Variants in PCDHGA8 observed in about 807,000 individuals in gnomAD.
PCDHGA8 encodes the protein protocadherin gamma-A8.
PCDHGA8 carries 45 observed loss-of-function variants against 59.2 expected under a neutral mutation model. The ratio of observed to expected loss-of-function variants is 0.76; its 90% CI spans 0.60 to 0.98. The LOEUF (loss-of-function observed/expected upper bound fraction) is 0.98. Ranked by LOEUF, PCDHGA8 falls within the 50% of genes least tolerant of loss-of-function variation. The pLI, the probability that PCDHGA8 is intolerant of heterozygous loss-of-function variation, is 0.00. For missense variants in PCDHGA8, 1,257 were observed against 1,196.2 expected (o/e 1.05, Z -0.75); for synonymous variants, 531 against 519.0 (o/e 1.02, Z -0.32).
intron 1 of PCDHGA8, among the ~76,000 whole-genome samples, chr5:141,453,850 CT>C (rs1465668273): frequency 1.3e-5 from 2 of 152,148 alleles, no homozygotes; most frequent in Non-Finnish European, 2.9e-5. Context: ...CCACAGAGCA[CT>C]TTGAAAATAA....
rs1385144710 is a variant in PCDHGA8 at position 141,399,080 on chromosome 5, G to C, written c.2424+3843G>C. 1 of 1,613,696 alleles carries C rather than the reference G, an allele frequency of 6.2e-7. No homozygotes were observed. On this transcript the variant is annotated intron_variant, in intron 1 of 3. Transcript: ENST00000398604. ...GAATATTCAATGGTTGTAGAAGGGA[G>C]GGATGGTGGTGGACTGGTTGCACAA...
chr5:141,427,875 C>A, intron 1 of PCDHGA8: 1 of 1,560,408 alleles, frequency 6.4e-7, no homozygotes. Flanking sequence ...GCTCACGATG[C>A]AGGCCCACGA....
Position 141,491,498 on chromosome 5 carries a change from C to T in PCDHGA8, c.2425-3309C>T, listed in dbSNP as rs975297143. 2 of 1,614,102 alleles carry T rather than the reference C, an allele frequency of 1.2e-6. No homozygotes were observed. Among genetic ancestry groups the T allele is most frequent in the Non-Finnish European group, 1.7e-6 (2 of 1,180,018 alleles). ...TCCAGCCCCAACCTGCAGGTGAGCT[C>T]GGACGGCACGCTCAAGTACATGGAG... On this transcript the variant is annotated intron_variant, in intron 1 of 3. Transcript: ENST00000398604. The surrounding 1 kb of genome is among the most constrained non-coding windows in gnomAD (Gnocchi z 6.9).
chr5:141,487,237 T>G lies in PCDHGA8; in HGVS notation c.2425-7570T>G, dbSNP rs1327004790. ...CAGCTCCAAGGGAAGGAGAATCTCGTCTAACCCTCTACTTGGCTGTGTCCC... is the reference window on the plus strand; with the variant it reads ...CAGCTCCAAGGGAAGGAGAATCTCGGCTAACCCTCTACTTGGCTGTGTCCC... On this transcript the variant is annotated intron_variant, in intron 1 of 3. Transcript: ENST00000398604. This position sits in a 1 kb window ranked among gnomAD's most constrained non-coding sequence, Gnocchi z 5.0. 1.2e-6 allele frequency: 2 copies of G among 1,614,004 alleles called. No individual in the cohort carries two copies. The highest frequency in any genetic ancestry group is 1.7e-6 in the Non-Finnish European group (2 of 1,179,988).
chr5:141,500,618 C>T (rs554274946), intron 2 of PCDHGA8, among the ~76,000 whole-genome samples: 1 of 152,262 alleles, frequency 6.6e-6, no homozygotes, highest in South Asian at 2.1e-4. Flanking sequence ...CCCAGTCATA[C>T]GGTACATTTC....
rs1409012917 is a variant in PCDHGA8 at position 141,512,928 on chromosome 5, T to A, written c.*1755T>A. On this transcript the variant is annotated 3_prime_UTR_variant, in exon 4 of 4. Transcript: ENST00000398604. ...CAAGTTTTATACTCTAATATTTATA[T>A]GGCTTTTTTTCTTCGACAAAAAAAT... is the stretch of plus-strand genomic sequence containing the variant. 1.3e-5 allele frequency: 2 copies of A among 152,190 alleles called. No individual in the cohort carries two copies. Among genetic ancestry groups the A allele is most frequent in the Non-Finnish European group, 2.9e-5 (2 of 68,044 alleles). The allele number at this position is 152,190 out of a possible 1,614,324, so 9.4% of individuals were successfully genotyped here.
rs1403789987 is a variant in PCDHGA8 at position 141,511,845 on chromosome 5, T to C, written c.*672T>C. The C allele has an allele frequency of 6.4e-6, 1 of 156,740 alleles. No individual in the cohort carries two copies. The highest frequency in any genetic ancestry group is 1.4e-5 in the Non-Finnish European group (1 of 70,694). 9.7% of individuals were successfully genotyped at this position (156,740 alleles called of 1,614,324 possible). A position where few individuals can be genotyped will look rare whatever the true frequency, so the allele number is the denominator to read the frequency against. On this transcript the variant is annotated 3_prime_UTR_variant, in exon 4 of 4. Transcript: ENST00000398604. ...AACGCCCTGGGGACCAGTCTTCTGT[T>C]TTGTTTTTCATTGTTTGACGTTTCC...
At chr5:141,467,846 A>G (rs984687278) in intron 1 of PCDHGA8, among the ~76,000 whole-genome samples, 2 of 151,926 alleles carry the variant, frequency 1.3e-5, no homozygotes, top group Non-Finnish European at 2.9e-5. Context: ...TTTTTGTAGA[A>G]TGAGATTTCA....
chr5:141,479,562 T>G (rs1176956064), intron 1 of PCDHGA8: 2 of 152,218 alleles, frequency 1.3e-5, no homozygotes, highest in Non-Finnish European at 2.9e-5. Flanking sequence ...TATCCAGTAG[T>G]GGGATGACAT....
chr5:141,487,429 C>A lies in PCDHGA8; in HGVS notation c.2425-7378C>A. 1 of 1,614,162 alleles carries A rather than the reference C, an allele frequency of 6.2e-7. No individual in the cohort carries two copies. Among genetic ancestry groups the A allele is most frequent in the Non-Finnish European group, 8.5e-7 (1 of 1,180,018 alleles). On this transcript the variant is annotated intron_variant, in intron 1 of 3. Transcript: ENST00000398604. The surrounding 1 kb of genome is among the most constrained non-coding windows in gnomAD (Gnocchi z 5.0). ...CCCCTTCCAATGGGATCCTCCGAAT[C>A]CAGCTAGGGTCAGATGACCCTATCA...
At chr5:141,443,760 T>C (rs894568340) in intron 1 of PCDHGA8, among the ~76,000 whole-genome samples, 20 of 152,040 alleles carry the variant, frequency 1.3e-4, no homozygotes, top group African/African-American at 4.6e-4. Context: ...AAGCTTACAA[T>C]ATACAATATT....
intron 1 of PCDHGA8, chr5:141,414,163 G>A (rs1455950284): frequency 5.6e-6 from 9 of 1,603,256 alleles, no homozygotes; most frequent in Non-Finnish European, 7.7e-6. Flanking sequence ...AGATGGAGGA[G>A]CATATCTTGC....
Position 141,485,920 on chromosome 5 carries a change from T to C in PCDHGA8, c.2425-8887T>C, listed in dbSNP as rs1374948804. ...CCTTCCAGCAATCCAGCTACAGGAT[T>C]AGTGTGTTGGAGAGCGCACCAGCGG... On this transcript the variant is annotated intron_variant, in intron 1 of 3. Transcript: ENST00000398604. This position sits in a 1 kb window ranked among gnomAD's most constrained non-coding sequence, Gnocchi z 5.7. 1.2e-6 allele frequency: 2 copies of C among 1,614,038 alleles called. No individual in the cohort carries two copies. Among genetic ancestry groups the C allele is most frequent in the Non-Finnish European group, 1.7e-6 (2 of 1,180,010 alleles).
rs375404779 is a variant in PCDHGA8 at position 141,419,760 on chromosome 5, A to T, written c.2424+24523A>T. 11 of 1,613,876 alleles carry T rather than the reference A, an allele frequency of 6.8e-6. No homozygotes were observed. The highest frequency in any genetic ancestry group is 9.3e-6 in the Non-Finnish European group (11 of 1,179,904). On this transcript the variant is annotated intron_variant, in intron 1 of 3. Coordinates refer to ENST00000398604, the MANE Select transcript of PCDHGA8 (RefSeq NM_032088.2). ...GTGCGCATGGTGCGTGCTTTGGGTG[A>T]CAAGGACTCGGTCCGCCAGCGCCTG...
In PCDHGA8 at chr5:141,489,873, G is replaced by A. The variant is rs1252665956; in HGVS notation, c.2425-4934G>A. The A allele has an allele frequency of 4.3e-6, 7 of 1,614,224 alleles. No homozygotes were observed. The highest frequency in any genetic ancestry group is 5.9e-6 in the Non-Finnish European group (7 of 1,180,030). On this transcript the variant is annotated intron_variant, in intron 1 of 3. Coordinates refer to ENST00000398604, the MANE Select transcript of PCDHGA8 (RefSeq NM_032088.2). The surrounding 1 kb of genome is among the most constrained non-coding windows in gnomAD (Gnocchi z 4.5). Reference sequence around the variant, plus strand: ...AAGCCCAGGCAAGACATCAGCTGGTGCTTACTGCTGTGGATGGGGGGACCC... The same window carrying A: ...AAGCCCAGGCAAGACATCAGCTGGTACTTACTGCTGTGGATGGGGGGACCC...
At chr5:141,479,633 T>TAACAAC (rs749744124) in intron 1 of PCDHGA8, 1 of 152,114 alleles carries the variant, frequency 6.6e-6, no homozygotes, top group Admixed American at 6.5e-5. Flanking sequence ...TCTTTAACAA[T>TAACAAC]AACAACAACA....
At chr5:141,474,772 G>T (rs1053853138) in intron 1 of PCDHGA8, among the ~76,000 whole-genome samples, 1 of 152,182 alleles carries the variant, frequency 6.6e-6, no homozygotes, top group Non-Finnish European at 1.5e-5. Context: ...AATAGTATGA[G>T]GCTCTAACAC....
At chr5:141,428,204 C>T (rs756271858) in intron 1 of PCDHGA8, 23 of 1,324,604 alleles carry the variant, frequency 1.7e-5, no homozygotes, top group Admixed American at 5.5e-5. Flanking sequence ...TGCGCCGCTA[C>T]GCTTCACCTA....
chr5:141,443,118 C>A (rs1474257262), intron 1 of PCDHGA8, among the ~76,000 whole-genome samples: 1 of 151,762 alleles, frequency 6.6e-6, no homozygotes, highest in Non-Finnish European at 1.5e-5. Flanking sequence ...GCTTTTCAAA[C>A]CAGATTAAGA....
Sources: allele counts gnomAD v4.1 joint callset (sites outside exome capture counted in the v4.1 genomes callset), GRCh38; gene constraint gnomAD v4.1.1; non-coding constraint Gnocchi (gnomAD v3.1); transcripts MANE v1.5; gene names NCBI Gene and HGNC (gene_info 2026-07-23, HGNC 2026-07-21).